The following POLDIP3 variants were observed in gnomAD, a reference collection of about 807,000 sequenced individuals.
The protein encoded by POLDIP3 is DNA polymerase delta interacting protein 3.
A neutral mutation model predicts 45.1 loss-of-function variants in POLDIP3; 14 were observed. The ratio of observed to expected loss-of-function variants is 0.31; its 90% CI spans 0.20 to 0.49. The LOEUF (loss-of-function observed/expected upper bound fraction) is 0.49. Among genes scored for constraint, POLDIP3 ranks in the 20% least tolerant of loss-of-function variants. POLDIP3 has a pLI of 0.99. For synonymous variants in POLDIP3, 223 were observed against 205.2 expected (o/e 1.09, Z -0.74); for missense variants, 511 against 538.8 (o/e 0.95, Z 0.51).
chr22:42,601,954 C>G lies in POLDIP3; in HGVS notation c.537+16G>C. ...ACACACAGATTCTCTCTCTCTCTCT[C>G]ACTCACTCACTCTACCTGTTTGGCC... On this transcript the variant is annotated intron_variant, in intron 3 of 8. Coordinates refer to ENST00000252115, the MANE Select transcript of POLDIP3 (RefSeq NM_032311.5). 5 of 1,609,372 alleles carry G rather than the reference C, an allele frequency of 3.1e-6. No individual in the cohort carries two copies. The highest frequency in any genetic ancestry group is 4.2e-6 in the Non-Finnish European group (5 of 1,176,578).
At chr22:42,597,509 C>T (rs1227771210) in intron 4 of POLDIP3, among the ~76,000 whole-genome samples, 3 of 152,238 alleles carry the variant, frequency 2.0e-5, no homozygotes, top group African/African-American at 7.2e-5. Flanking sequence ...TCCACTGCTT[C>T]TCATCAGCTG....
At chr22:42,613,488 G>A (rs1439947558) in intron 1 of POLDIP3, among the ~76,000 whole-genome samples, 1 of 152,202 alleles carries the variant, frequency 6.6e-6, no homozygotes, top group Non-Finnish European at 1.5e-5. Context: ...TGGCCGGGCC[G>A]GTGGCTCACG....
intron 2 of POLDIP3, 48 bp downstream of exon 2, chr22:42,602,722 C>T (rs767606468): frequency 7.1e-6 from 11 of 1,545,310 alleles, no homozygotes; most frequent in African/African-American, 4.1e-5. Context: ...TCTAAATCTA[C>T]CTTTGTTACT....
chr22:42,609,096 C>A (rs1159530896), intron 1 of POLDIP3, among the ~76,000 whole-genome samples: 1 of 152,172 alleles, frequency 6.6e-6, no homozygotes, highest in Non-Finnish European at 1.5e-5. Flanking sequence ...ATTATGTTAC[C>A]CTCCCGCTTC....
intron 6 of POLDIP3, among the ~76,000 whole-genome samples, chr22:42,594,841 G>A (rs1189301680): frequency 1.3e-5 from 2 of 152,180 alleles, no homozygotes; most frequent in African/African-American, 2.4e-5. Context: ...GAATCATCTT[G>A]TAATACCTCC....
intron 6 of POLDIP3, among the ~76,000 whole-genome samples, chr22:42,593,652 G>A (rs896484714): frequency 1.3e-5 from 2 of 152,178 alleles, no homozygotes; most frequent in African/African-American, 4.8e-5. Flanking sequence ...CTGAGTAGCT[G>A]GGACTACAGG....
chr22:42,585,594 T>G lies in POLDIP3; in HGVS notation c.*197A>C, dbSNP rs1569293572. 3.2e-6 allele frequency: 2 copies of G among 622,552 alleles called. No individual in the cohort carries two copies. Among genetic ancestry groups the G allele is most frequent in the Non-Finnish European group, 5.6e-6 (2 of 357,946 alleles). 38.6% of individuals were successfully genotyped at this position (622,552 alleles called of 1,614,324 possible). A position where few individuals can be genotyped will look rare whatever the true frequency, so the allele number is the denominator to read the frequency against. On this transcript the variant is annotated 3_prime_UTR_variant, in exon 9 of 9. Transcript: ENST00000252115. ...ATGAAGAAACATACTACAGGAAACG[T>G]TAACGTAGAGAGAAGAGCACAGGGC... is the stretch of plus-strand genomic sequence containing the variant.
intron 8 of POLDIP3, among the ~76,000 whole-genome samples, chr22:42,586,451 C>G (rs139960233): frequency 7.2e-5 from 11 of 152,196 alleles, no homozygotes; most frequent in Non-Finnish European, 1.6e-4. Flanking sequence ...CCTCGGCCCC[C>G]CAAGTAACTG....
intron 7 of POLDIP3, among the ~76,000 whole-genome samples, chr22:42,588,181 C>A (rs529519694): frequency 1.3e-5 from 2 of 152,114 alleles, no homozygotes; most frequent in East Asian, 1.9e-4. Context: ...TGGGGCCGGG[C>A]GCGGTGGCTC....
At chr22:42,595,129 A>C (rs1046473315) in intron 6 of POLDIP3, among the ~76,000 whole-genome samples, 1 of 152,198 alleles carries the variant, frequency 6.6e-6, no homozygotes, top group African/African-American at 2.4e-5. Context: ...TGCAAACAAC[A>C]TGGTTTCTGC....
chr22:42,602,058 T>C lies in POLDIP3; in HGVS notation c.451-2A>G, dbSNP rs1198265941. Reference sequence around the variant, plus strand: ...TGCCATGGCTTTCTGCTGTGGAACCTGGAAACACTCAGTGGTCAGAATCCA... The same window carrying C: ...TGCCATGGCTTTCTGCTGTGGAACCCGGAAACACTCAGTGGTCAGAATCCA... On this transcript the variant is annotated splice_acceptor_variant, in intron 2 of 8. Coordinates refer to ENST00000252115, the MANE Select transcript of POLDIP3 (RefSeq NM_032311.5). LOFTEE classifies it high-confidence loss of function. 6.2e-7 allele frequency: 1 copy of C among 1,614,126 alleles called. No homozygotes were observed. The highest frequency in any genetic ancestry group is 8.5e-7 in the Non-Finnish European group (1 of 1,179,992).
rs1289831039 is a variant in POLDIP3, at chr22:42,585,983, GAA to G, written c.1089-17_1089-16del. On this transcript the variant is annotated splice_polypyrimidine_tract_variant and intron_variant, in intron 8 of 8. Coordinates refer to ENST00000252115, the MANE Select transcript of POLDIP3 (RefSeq NM_032311.5). ...CACTCAGCCGCCTGTGGAGAGCAGA[GAA>G]GAGTCAAAAATTCTTGTCAGTTTTT... 10 of 1,586,168 alleles carry G rather than the reference GAA, an allele frequency of 6.3e-6. No individual in the cohort carries two copies. The highest frequency in any genetic ancestry group is 8.6e-6 in the Non-Finnish European group (10 of 1,166,826).
In POLDIP3 at chr22:42,602,902, C is replaced by T. The variant is rs200458803; in HGVS notation, c.318G>A (p.Thr106=). The T allele has an allele frequency of 1.7e-4, 272 of 1,613,856 alleles. 1 individual carries two copies. Among genetic ancestry groups the T allele is most frequent in the Non-Finnish European group, 2.0e-4 (241 of 1,179,958 alleles). Residue 106 remains threonine (T), a synonymous_variant, in exon 2 of 9, where the codon ACG becomes ACA. Transcript: ENST00000252115. ...CAACCTGGCGGGGCTTCTGGGGCACCGTGGTCTGCTGCTTGCGAGAGTTCA... is the reference window on the plus strand; with the variant it reads ...CAACCTGGCGGGGCTTCTGGGGCACTGTGGTCTGCTGCTTGCGAGAGTTCA... The part of the protein sequence containing the change: ...EMLNSRKQQT[T]VPQKPRQVAD...
intron 1 of POLDIP3, among the ~76,000 whole-genome samples, chr22:42,613,482 C>T (rs1473646180): frequency 1.3e-5 from 2 of 152,162 alleles, no homozygotes; most frequent in Non-Finnish European, 2.9e-5. Context: ...GCGGAATGGC[C>T]GGGCCGGTGG....
At chr22:42,586,632 TACAA>T (rs577217756) in intron 8 of POLDIP3, among the ~76,000 whole-genome samples, 147 of 152,338 alleles carry the variant, frequency 9.6e-4, no homozygotes, top group Non-Finnish European at 2.0e-3. Flanking sequence ...CTTATTAGGT[TACAA>T]AACCCTAAGA....
chr22:42,585,954 C>T lies in POLDIP3; in HGVS notation c.1103G>A (p.Ser368Asn). 2 of 1,612,348 alleles carry T rather than the reference C, an allele frequency of 1.2e-6. No individual in the cohort carries two copies. Among genetic ancestry groups the T allele is most frequent in the Non-Finnish European group, 1.7e-6 (2 of 1,179,176 alleles). Residue 368 changes from serine to asparagine, a missense_variant, in exon 9 of 9, where the codon AGC becomes AAC. This residue lies in a region of POLDIP3 where 45 missense variants were observed against 34.3 expected (regional missense o/e 1.31). Coordinates refer to ENST00000252115, the MANE Select transcript of POLDIP3 (RefSeq NM_032311.5). ...DQPILLRLSDSPSMKKESELP... is the reference protein window; with the variant it reads ...DQPILLRLSDNPSMKKESELP... ...CTCGCTCTCCTTTTTCATTGATGGG[C>T]TGTCACTCAGCCGCCTGTGGAGAGC... is the stretch of plus-strand genomic sequence containing the variant.
Position 42,585,784 on chromosome 22 carries a change from C to G in POLDIP3, c.*7G>C. ...TGCCCCCACTTCTGGCTGCCTCACT[C>G]CCCTGCTCAAAGCTTGATTTTGAAT... is the stretch of plus-strand genomic sequence containing the variant. On this transcript the variant is annotated 3_prime_UTR_variant, in exon 9 of 9. Transcript: ENST00000252115. 6.2e-7 allele frequency: 1 copy of G among 1,610,074 alleles called. No individual in the cohort carries two copies. The highest frequency in any genetic ancestry group is 1.1e-5 in the South Asian group (1 of 90,662).
intron 7 of POLDIP3, among the ~76,000 whole-genome samples, chr22:42,588,850 A>C (rs1925488333): frequency 6.6e-6 from 1 of 152,066 alleles, no homozygotes; most frequent in Non-Finnish European, 1.5e-5. Context: ...CTGGTCTCGA[A>C]CTCCCAATCA....
chr22:42,614,411 C>CT (rs1927331998), intron 1 of POLDIP3, among the ~76,000 whole-genome samples: 1 of 152,246 alleles, frequency 6.6e-6, no homozygotes. Flanking sequence ...TGTCTCAACT[C>CT]TAAGATGGGT....
Sources: gnomAD v4.1 joint callset for allele counts (sites outside exome capture counted in the v4.1 genomes callset) on GRCh38, gnomAD v4.1.1 for gene constraint, gnomAD v4.1.1 regional missense constraint, MANE v1.5 for transcripts, NCBI Gene and HGNC (gene_info 2026-07-23, HGNC 2026-07-21) for gene names.